Variants in TRMT1L observed in about 807,000 individuals in gnomAD.
TRMT1L encodes the protein tRNA methyltransferase 1L.
In TRMT1L, 28 loss-of-function variants were observed where a neutral mutation model predicts 81.6. The ratio of observed to expected loss-of-function variants is 0.34; its 90% confidence interval spans 0.25 to 0.47. The LOEUF (loss-of-function observed/expected upper bound fraction) is 0.47, where lower values mean the gene tolerates loss of function less well. Ranked by LOEUF, TRMT1L falls within the 20% of genes least tolerant of loss-of-function variation. The pLI is 1.00. For missense variants in TRMT1L, 739 were observed against 877.1 expected (o/e 0.84, Z 1.99); for synonymous variants, 301 against 303.2 (o/e 0.99, Z 0.07).
At chr1:185,128,066 A>G (rs575717135) in intron 11 of TRMT1L, among the ~76,000 whole-genome samples, 3 of 152,196 alleles carry the variant, frequency 2.0e-5, no homozygotes, top group East Asian at 1.9e-4. Context: ...GTGAGCCGAT[A>G]TTGCGCCACT....
rs1557988447 is a variant in TRMT1L at position 185,137,753 on chromosome 1, C to T, written c.1366G>A (p.Val456Met). The change falls in exon 10 of 15, where the codon GTG (valine) becomes ATG (methionine). Residue 456 changes from valine to methionine, a missense_variant. Physicochemically the swap from Val to Met is conservative, Grantham distance 21. Transcript: ENST00000367506. ...CNKGIEVLFA[V>M]ALEHFVLVVV... ...ACCAACACAAAATGTTCCAGAGCCA[C>T]TGCAAACAGTACTTCTATGCCTTTG... 1 of 1,614,062 alleles carries T rather than the reference C, an allele frequency of 6.2e-7. No individual in the cohort carries two copies. Among genetic ancestry groups the T allele is most frequent in the Non-Finnish European group, 8.5e-7 (1 of 1,180,006 alleles).
chr1:185,154,018 T>C (rs1241342498), intron 1 of TRMT1L, among the ~76,000 whole-genome samples: 1 of 152,226 alleles, frequency 6.6e-6, no homozygotes, highest in Non-Finnish European at 1.5e-5. Context: ...ATCTTTCTGA[T>C]GGCTAAGTGC....
At position 185,119,925 on chromosome 1, in the gene TRMT1L, T is replaced by A; in HGVS notation, c.*94A>T. 1 of 1,324,684 alleles carries A rather than the reference T, an allele frequency of 7.5e-7. No homozygotes were observed. The highest frequency in any genetic ancestry group is 1.0e-6 in the Non-Finnish European group (1 of 990,650). 82.1% of individuals were successfully genotyped at this position (1,324,684 alleles called of 1,614,324 possible). Reference sequence around the variant, plus strand: ...ATGACACTGTTTTTTATTTTTACTCTACTGAATTGAAAGAACAGAAAAAGA... The same window carrying A: ...ATGACACTGTTTTTTATTTTTACTCAACTGAATTGAAAGAACAGAAAAAGA... On this transcript the variant is annotated 3_prime_UTR_variant, in exon 15 of 15. Coordinates refer to ENST00000367506, the MANE Select transcript of TRMT1L (RefSeq NM_030934.5).
intron 2 of TRMT1L, among the ~76,000 whole-genome samples, 194 bp from the exon 3 acceptor site, chr1:185,150,686 T>C (rs188642972): frequency 5.2e-4 from 78 of 151,166 alleles, no homozygotes; most frequent in African/African-American, 1.8e-3. Context: ...TGATTGTTTT[T>C]TCACCCTAAA....
rs1442468351 is a variant in TRMT1L, at chr1:185,118,187, T to C, written c.*1832A>G. On this transcript the variant is annotated 3_prime_UTR_variant, in exon 15 of 15. Coordinates refer to ENST00000367506, the MANE Select transcript of TRMT1L (RefSeq NM_030934.5). ...TTTGCAATGTCCCAAATTACTACTA[T>C]TGTTACGAGAATAAGATTGCTCAGG... The C allele has an allele frequency of 1.3e-5, 2 of 152,204 alleles. No individual in the cohort carries two copies. The highest frequency in any genetic ancestry group is 2.9e-5 in the Non-Finnish European group (2 of 68,028). The allele number at this position is 152,204 out of a possible 1,614,324, so 9.4% of individuals were successfully genotyped here.
intron 10 of TRMT1L, among the ~76,000 whole-genome samples, chr1:185,130,261 G>A (rs1223299574): frequency 6.6e-6 from 1 of 152,140 alleles, no homozygotes; most frequent in Non-Finnish European, 1.5e-5. Flanking sequence ...TACCAGATGA[G>A]GAGTTAAAAA....
At chr1:185,150,209 T>C (rs1287860339) in intron 3 of TRMT1L, among the ~76,000 whole-genome samples, 170 bp downstream of exon 3, 1 of 152,214 alleles carries the variant, frequency 6.6e-6, no homozygotes, top group African/African-American at 2.4e-5. Context: ...AGATCTCTAC[T>C]GCCTATAAAG....
At position 185,151,813 on chromosome 1, in the gene TRMT1L, AC is replaced by A; in HGVS notation, c.346+11del. On this transcript the variant is annotated intron_variant, in intron 2 of 14. Transcript: ENST00000367506. ...AAACTAAGAAAAAAAAAAAACCCAA[AC>A]ATGGAAATACCTGCATCAAGATTAT... 6.5e-7 allele frequency: 1 copy of A among 1,533,544 alleles called. No individual in the cohort carries two copies. The highest frequency in any genetic ancestry group is 8.8e-7 in the Non-Finnish European group (1 of 1,142,622). 95.0% of individuals were successfully genotyped at this position (1,533,544 alleles called of 1,614,324 possible).
chr1:185,135,487 G>C (rs1374285340), intron 10 of TRMT1L, among the ~76,000 whole-genome samples: 5 of 150,746 alleles, frequency 3.3e-5, no homozygotes, highest in Admixed American at 6.6e-5. Context: ...ATCTAGTCAA[G>C]AAAAATGGAA....
intron 4 of TRMT1L, among the ~76,000 whole-genome samples, chr1:185,146,043 C>A (rs993379722): frequency 1.3e-5 from 2 of 152,000 alleles, no homozygotes; most frequent in African/African-American, 4.8e-5. Context: ...TGCATTATTA[C>A]ACCATTACAG....
At chr1:185,120,331 A>G (rs1652468224) in intron 14 of TRMT1L, 52 bp downstream of exon 14, 1 of 1,459,036 alleles carries the variant, frequency 6.9e-7, no homozygotes, top group Non-Finnish European at 9.1e-7. Flanking sequence ...TTAAATCACA[A>G]TATTATTAAA....
chr1:185,145,736 T>C (rs1653171752), intron 4 of TRMT1L, among the ~76,000 whole-genome samples, 168 bp from the exon 5 acceptor site: 1 of 152,012 alleles, frequency 6.6e-6, no homozygotes, highest in South Asian at 2.1e-4. Context: ...CATTTACATA[T>C]ACTTTTAAAA....
At chr1:185,126,622 A>G (rs1571343274) in intron 11 of TRMT1L, among the ~76,000 whole-genome samples, 1 of 152,254 alleles carries the variant, frequency 6.6e-6, no homozygotes, top group South Asian at 2.1e-4. Context: ...GGCACTAAGA[A>G]GAGACTTCAA....
chr1:185,148,489 TGAA>T (rs1653247170), intron 3 of TRMT1L, among the ~76,000 whole-genome samples: 1 of 152,210 alleles, frequency 6.6e-6, no homozygotes, highest in African/African-American at 2.4e-5. Context: ...TCAACTACTT[TGAA>T]ACCTGCTCAC....
Position 185,123,905 on chromosome 1 carries a change from A to C in TRMT1L, c.1774T>G (p.Phe592Val), listed in dbSNP as rs941645198. The change falls in exon 13 of 15, where the codon TTT becomes GTT. Residue 592 changes from phenylalanine (F) to valine (V), a missense_variant. Physicochemically the swap from Phe to Val is conservative, Grantham distance 50 (BLOSUM62 -1). Transcript: ENST00000367506. ...NVNKQEENGV[F>V]IKTTDDTTTD... is the part of the protein sequence containing the mutation. ...GTGGTGTCATCTGTAGTTTTAATAAATACACCATTTTCTTCTAAAAAATAA... is the reference window on the plus strand; with the variant it reads ...GTGGTGTCATCTGTAGTTTTAATAACTACACCATTTTCTTCTAAAAAATAA... 1 of 1,505,478 alleles carries C rather than the reference A, an allele frequency of 6.6e-7. No homozygotes were observed. The allele number at this position is 1,505,478 out of a possible 1,614,324, so 93.3% of individuals were successfully genotyped here.
rs1192638729 is a variant in TRMT1L, at chr1:185,119,017, TGAA to T, written c.*999_*1001del. 1 of 151,812 alleles carries T rather than the reference TGAA, an allele frequency of 6.6e-6. No homozygotes were observed. The highest frequency in any genetic ancestry group is 1.5e-5 in the Non-Finnish European group (1 of 67,984). 9.4% of individuals were successfully genotyped at this position (151,812 alleles called of 1,614,324 possible). ...TTTCATCCAAAATCTTATATTCAAA[TGAA>T]GTGAGAATTCCATTAAGGAAACAAT... On this transcript the variant is annotated 3_prime_UTR_variant, in exon 15 of 15. Coordinates refer to ENST00000367506, the MANE Select transcript of TRMT1L (RefSeq NM_030934.5).
At chr1:185,138,707 T>C (rs1652960727) in intron 9 of TRMT1L, among the ~76,000 whole-genome samples, 2 of 152,196 alleles carry the variant, frequency 1.3e-5, no homozygotes, top group African/African-American at 4.8e-5. Context: ...TGTAAGACCA[T>C]TTTGCAGAAT....
chr1:185,144,385 A>G (rs1653130248), intron 5 of TRMT1L, among the ~76,000 whole-genome samples: 1 of 152,058 alleles, frequency 6.6e-6, no homozygotes, highest in Non-Finnish European at 1.5e-5. Flanking sequence ...GTGGTTCATC[A>G]AACACTACAT....
chr1:185,138,807 G>A (rs1652963070), intron 9 of TRMT1L, among the ~76,000 whole-genome samples: 1 of 152,118 alleles, frequency 6.6e-6, no homozygotes. Context: ...TTCTTTCTGA[G>A]GCAGAGTCTC....
Sources: allele counts gnomAD v4.1 joint callset (sites outside exome capture counted in the v4.1 genomes callset), GRCh38; gene constraint gnomAD v4.1.1; transcripts MANE v1.5; gene names NCBI Gene and HGNC (gene_info 2026-07-23, HGNC 2026-07-21).